GUCY2F: variants seen among roughly 807,000 people sequenced by gnomAD.
GUCY2F encodes the protein guanylate cyclase 2F, retinal.
GUCY2F carries 61 observed loss-of-function variants against 73.1 expected under a neutral mutation model. The observed-to-expected ratio is 0.83, with a 90% CI of 0.68 to 1.03. The LOEUF (loss-of-function observed/expected upper bound fraction) is 1.03, where lower values mean the gene tolerates loss of function less well. Among genes scored for constraint, GUCY2F ranks in the 50% least tolerant of loss-of-function variants. The pLI, the probability that GUCY2F is intolerant of heterozygous loss-of-function variation, is 0.00. For synonymous variants in GUCY2F, 331 were observed against 307.8 expected (o/e 1.08, Z -0.79); for missense variants, 912 against 854.3 (o/e 1.07, Z -0.84).
At chrX:109,414,471 C>T (rs1161351442) in intron 8 of GUCY2F, among the ~76,000 whole-genome samples, 1 of 112,153 alleles carries the variant, frequency 8.9e-6, no homozygotes, top group Non-Finnish European at 1.9e-5. Context: ...GACTTCTGAT[C>T]CTATATTTCC....
intron 8 of GUCY2F, among the ~76,000 whole-genome samples, chrX:109,411,832 T>C (rs1360472904): frequency 9.0e-6 from 1 of 110,649 alleles, no homozygotes; most frequent in Non-Finnish European, 1.9e-5. Context: ...AAGGAAAGTA[T>C]AAAGAAAAAG....
intron 1 of GUCY2F, among the ~76,000 whole-genome samples, chrX:109,477,284 G>A (rs1389773326): frequency 8.9e-6 from 1 of 111,758 alleles, no homozygotes; most frequent in Non-Finnish European, 1.9e-5. Context: ...ACTCTAGGAT[G>A]ATTTTGAGCT....
intron 11 of GUCY2F, 131 bp from the exon 12 acceptor site, chrX:109,395,620 C>T (rs1040636324): frequency 2.3e-5 from 12 of 515,925 alleles, no homozygotes; most frequent in Admixed American, 1.2e-4. Context: ...CTCCTTTGCT[C>T]TCTCCTTAGG....
chrX:109,379,499 TATTA>T (rs757481272), intron 17 of GUCY2F, among the ~76,000 whole-genome samples: 1 of 112,379 alleles, frequency 8.9e-6, no homozygotes, highest in East Asian at 2.8e-4. Context: ...AGTACACAAT[TATTA>T]ATTGTCAGTT....
At chrX:109,463,818 T>C (rs1266089582) in intron 3 of GUCY2F, among the ~76,000 whole-genome samples, 1 of 111,553 alleles carries the variant, frequency 9.0e-6, no homozygotes, top group Non-Finnish European at 1.9e-5. Context: ...GTATGTGATG[T>C]CTGGAACTGT....
At chrX:109,413,990 C>T (rs1351082139) in intron 8 of GUCY2F, among the ~76,000 whole-genome samples, 2 of 109,605 alleles carry the variant, frequency 1.8e-5, no homozygotes, top group African/African-American at 6.7e-5. Context: ...CTCGCTCTGT[C>T]GCCTAGGCTG....
rs781325492 is a variant in GUCY2F at position 109,392,072 on chromosome X, T to C, written c.2620A>G (p.Thr874Ala). ...SVAESLKKGC[T>A]VEPEGFDLVT... ...AAGTCAAAGCCCTCAGGTTCAACTG[T>C]GCAGCCCTTTTTGAGAGATTCAGCA... Residue 874 changes from threonine to alanine, a missense_variant, in exon 14 of 20, where the codon ACA (threonine) becomes GCA (alanine). Coordinates refer to ENST00000218006, the MANE Select transcript of GUCY2F (RefSeq NM_001522.3). 14 of 1,205,560 alleles carry C rather than the reference T, an allele frequency of 1.2e-5. No individual in the cohort carries two copies. Among genetic ancestry groups the C allele is most frequent in the East Asian group, 8.9e-5 (3 of 33,706 alleles).
intron 3 of GUCY2F, among the ~76,000 whole-genome samples, chrX:109,464,268 T>C (rs1244430170): frequency 8.9e-6 from 1 of 112,276 alleles, no homozygotes; most frequent in Admixed American, 9.4e-5. Flanking sequence ...CATTGTTTTC[T>C]CTACTTTCTT....
In GUCY2F at chrX:109,388,576, A is replaced by T. The variant is rs757335198; in HGVS notation, c.2869T>A (p.Ser957Thr). 8.3e-7 allele frequency: 1 copy of T among 1,199,454 alleles called. No homozygotes were observed. The highest frequency in any genetic ancestry group is 1.1e-6 in the Non-Finnish European group (1 of 884,696). The change falls in exon 15 of 20, where the codon TCC (serine) becomes ACC (threonine). Residue 957 changes from serine to threonine, a missense_variant. Physicochemically the swap from Ser to Thr is moderately conservative, Grantham distance 58. Transcript: ENST00000218006. ...CCCACAGAGCTCAGGATATCTAAGG[A>T]CATGTTTGCAATCTCAGCTGCATGC... ...SRHAAEIANM[S>T]LDILSSVGTF...
intron 15 of GUCY2F, among the ~76,000 whole-genome samples, chrX:109,386,596 C>A (rs1930441744): frequency 9.0e-6 from 1 of 111,509 alleles, no homozygotes; most frequent in African/African-American, 3.3e-5. Context: ...TTTCTCAGAT[C>A]AGTGTATAAA....
At chrX:109,383,559 G>A (rs1930369350) in intron 16 of GUCY2F, 1 of 150,343 alleles carries the variant, frequency 6.7e-6, no homozygotes, top group African/African-American at 3.1e-5. Flanking sequence ...TCTCCATTCA[G>A]TTGTGGAGCT....
intron 6 of GUCY2F, among the ~76,000 whole-genome samples, chrX:109,445,081 G>T (rs1387037186): frequency 9.0e-6 from 1 of 111,375 alleles, no homozygotes; most frequent in East Asian, 2.8e-4. Context: ...CTCTTGTGTG[G>T]TATGATTTGT....
chrX:109,417,027 A>G (rs1931262077), intron 8 of GUCY2F, among the ~76,000 whole-genome samples: 1 of 110,441 alleles, frequency 9.1e-6, no homozygotes, highest in African/African-American at 3.3e-5. Flanking sequence ...CAAAAATATC[A>G]TTCAAAATCA....
intron 8 of GUCY2F, among the ~76,000 whole-genome samples, chrX:109,412,762 A>T (rs1931142413): frequency 1.8e-5 from 2 of 112,151 alleles, no homozygotes; most frequent in South Asian, 7.4e-4. Context: ...ATAGAAGAGG[A>T]ACCGATATAT....
Position 109,475,625 on chromosome X carries a change from G to A in GUCY2F, c.312C>T (p.Cys104=). 2 of 1,208,207 alleles carry A rather than the reference G, an allele frequency of 1.7e-6. No individual in the cohort carries two copies. The highest frequency in any genetic ancestry group is 1.1e-6 in the Non-Finnish European group (1 of 892,365). Residue 104 remains cysteine (C), a synonymous_variant, in exon 2 of 20, where the codon TGC becomes TGT. Transcript: ENST00000218006. ...AACTGGAGAGAGCCCTCGAAGTCTGGCAGTCTTCATTGAGAATCACGTATT... is the reference window on the plus strand; with the variant it reads ...AACTGGAGAGAGCCCTCGAAGTCTGACAGTCTTCATTGAGAATCACGTATT... ...SFEYVILNED[C]QTSRALSSFI...
rs1209775428 is a variant in GUCY2F, at chrX:109,475,757, A to AG, written c.179dup (p.Trp61LeufsTer4). ...TTGAAAACAGCGAATCACAAGCCCAAGGGCCCACCACCCCTATCTTGTAGG... is the reference window on the plus strand; with the variant it reads ...TTGAAAACAGCGAATCACAAGCCCAAGGGGCCCACCACCCCTATCTTGTAGG... On this transcript the variant is annotated frameshift_variant, in exon 2 of 20. Transcript: ENST00000218006. LOFTEE classifies it high-confidence loss of function. The AG allele has an allele frequency of 8.3e-7, 1 of 1,211,100 alleles. No individual in the cohort carries two copies. Among genetic ancestry groups the AG allele is most frequent in the Admixed American group, 2.2e-5 (1 of 46,066 alleles).
At chrX:109,416,195 T>A (rs1452694261) in intron 8 of GUCY2F, among the ~76,000 whole-genome samples, 1 of 106,872 alleles carries the variant, frequency 9.4e-6, no homozygotes, top group Non-Finnish European at 1.9e-5. Flanking sequence ...TGACCCATAC[T>A]CCAGGAAAAA....
intron 2 of GUCY2F, among the ~76,000 whole-genome samples, chrX:109,474,163 A>T (rs1224910968): frequency 1.8e-5 from 2 of 111,866 alleles, no homozygotes; most frequent in Admixed American, 1.9e-4. Context: ...CCTAAGCTGG[A>T]CCATTCTCTA....
intron 1 of GUCY2F, among the ~76,000 whole-genome samples, chrX:109,477,275 C>G (rs966866385): frequency 9.0e-6 from 1 of 111,512 alleles, no homozygotes; most frequent in African/African-American, 3.3e-5. Context: ...GAAAGGAGGA[C>G]TCTAGGATGA....
Sources: gnomAD v4.1 joint callset for allele counts (sites outside exome capture counted in the v4.1 genomes callset) on GRCh38, gnomAD v4.1.1 for gene constraint, MANE v1.5 for transcripts, NCBI Gene and HGNC (gene_info 2026-07-23, HGNC 2026-07-21) for gene names.